LRRTM3: variants seen among roughly 807,000 people sequenced by gnomAD.
The protein encoded by LRRTM3 is leucine-rich repeat transmembrane neuronal protein 3.
In LRRTM3, 24 loss-of-function variants were observed where a neutral mutation model predicts 44.7. The ratio of observed to expected loss-of-function variants is 0.54; its 90% confidence interval spans 0.39 to 0.76. The LOEUF (loss-of-function observed/expected upper bound fraction) is 0.76, where lower values mean the gene tolerates loss of function less well. Among genes scored for constraint, LRRTM3 ranks in the 30% least tolerant of loss-of-function variants. LRRTM3 has a pLI of 0.00. For missense variants in LRRTM3, 587 were observed against 702.2 expected (o/e 0.84, Z 1.85); for synonymous variants, 277 against 278.7 (o/e 0.99, Z 0.06).
intron 2 of LRRTM3, among the ~76,000 whole-genome samples, chr10:67,044,530 C>T (rs1478252666): frequency 6.6e-6 from 1 of 152,032 alleles, no homozygotes; most frequent in African/African-American, 2.4e-5. Context: ...TCCCAGATTC[C>T]CCATTGAGCT....
intron 2 of LRRTM3, among the ~76,000 whole-genome samples, chr10:67,020,507 A>G (rs189394101): frequency 4.1e-4 from 62 of 152,288 alleles, no homozygotes; most frequent in Non-Finnish European, 7.4e-4. Context: ...TATCCCCTCT[A>G]TAAGTTTCAC....
intron 2 of LRRTM3, among the ~76,000 whole-genome samples, chr10:67,088,981 T>C (rs1411323645): frequency 1.3e-5 from 2 of 152,012 alleles, no homozygotes; most frequent in Non-Finnish European, 2.9e-5. Flanking sequence ...GTATAATGAC[T>C]ACTTAGATAG....
intron 2 of LRRTM3, among the ~76,000 whole-genome samples, chr10:67,057,924 C>T (rs1244718803): frequency 1.3e-5 from 2 of 152,148 alleles, no homozygotes; most frequent in Non-Finnish European, 2.9e-5. Context: ...AGGTAATGCT[C>T]TCAAGGATAT....
At chr10:66,931,787 A>G (rs1847410042) in intron 2 of LRRTM3, among the ~76,000 whole-genome samples, 2 of 152,198 alleles carry the variant, frequency 1.3e-5, no homozygotes, top group African/African-American at 4.8e-5. Flanking sequence ...TGAAGGCTAG[A>G]AATAAGTGTC....
chr10:67,066,381 C>T (rs1856084532), intron 2 of LRRTM3, among the ~76,000 whole-genome samples: 1 of 151,962 alleles, frequency 6.6e-6, no homozygotes, highest in African/African-American at 2.4e-5. Flanking sequence ...TTAGTAGAGA[C>T]AGGGTTGCAC....
chr10:66,949,752 A>G lies in LRRTM3; in HGVS notation c.1536+21300A>G, dbSNP rs1848443364. On this transcript the variant is annotated intron_variant, in intron 2 of 2. Coordinates refer to ENST00000361320, the MANE Select transcript of LRRTM3 (RefSeq NM_178011.5). ...GCAAATACCAGCAGACTTGCTAGAC[A>G]CAGGCAGCAGCCTCCAATTTCACAG... Among the ~76,000 whole-genome samples the G allele has an allele frequency of 1.3e-5, 2 of 152,176 alleles. 1 individual carries two copies. Among genetic ancestry groups the G allele is most frequent in the South Asian group, 4.1e-4 (2 of 4,836 alleles).
At chr10:66,975,470 G>A (rs898126596) in intron 2 of LRRTM3, among the ~76,000 whole-genome samples, 10 of 152,132 alleles carry the variant, frequency 6.6e-5, no homozygotes, top group African/African-American at 2.2e-4. Context: ...AGTTGGAAAG[G>A]TTTCCCTTTC....
At chr10:67,068,025 T>C (rs544393060) in intron 2 of LRRTM3, among the ~76,000 whole-genome samples, 2 of 152,324 alleles carry the variant, frequency 1.3e-5, no homozygotes, top group African/African-American at 4.8e-5. Flanking sequence ...AGTGAAGAAT[T>C]AAAGAACATC....
chr10:66,972,217 A>G (rs762576632), intron 2 of LRRTM3, among the ~76,000 whole-genome samples: 2 of 152,184 alleles, frequency 1.3e-5, no homozygotes, highest in South Asian at 2.1e-4. Flanking sequence ...TCTTTCTCTC[A>G]CAGGCTAAAG....
chr10:67,024,765 T>C (rs1266951583), intron 2 of LRRTM3, among the ~76,000 whole-genome samples: 7 of 152,200 alleles, frequency 4.6e-5, no homozygotes, highest in Admixed American at 2.6e-4. Context: ...CTTTGGCATG[T>C]CATTGATGTT....
chr10:67,070,190 A>T (rs141549438), intron 2 of LRRTM3, among the ~76,000 whole-genome samples: 208 of 152,254 alleles, frequency 1.4e-3, no homozygotes, highest in African/African-American at 4.9e-3. Context: ...TGCAATTTGG[A>T]TATCCTCTTA....
intron 2 of LRRTM3, among the ~76,000 whole-genome samples, chr10:67,092,484 G>C (rs189392730): frequency 1.7e-4 from 26 of 152,002 alleles, no homozygotes; most frequent in Admixed American, 1.5e-3. Context: ...TCCAACAGAA[G>C]AGATTCTTGA....
At chr10:66,997,140 G>T (rs969970009) in intron 2 of LRRTM3, among the ~76,000 whole-genome samples, 1 of 152,032 alleles carries the variant, frequency 6.6e-6, no homozygotes, top group Non-Finnish European at 1.5e-5. Flanking sequence ...CAGCTTTTTC[G>T]TCTTTGCTTA....
At chr10:66,980,629 G>A (rs1043978048) in intron 2 of LRRTM3, among the ~76,000 whole-genome samples, 1 of 152,162 alleles carries the variant, frequency 6.6e-6, no homozygotes, top group African/African-American at 2.4e-5. Flanking sequence ...CAGTTAATGA[G>A]ATTCTTGCAA....
At chr10:67,025,792 T>A (rs1392226564) in intron 2 of LRRTM3, among the ~76,000 whole-genome samples, 3 of 151,928 alleles carry the variant, frequency 2.0e-5, no homozygotes, top group Non-Finnish European at 2.9e-5. Context: ...ATGATCGCTA[T>A]AAAGACACAT....
chr10:67,016,079 C>A (rs569568060), intron 2 of LRRTM3, among the ~76,000 whole-genome samples: 5 of 151,990 alleles, frequency 3.3e-5, no homozygotes, highest in Non-Finnish European at 2.9e-5. Context: ...TTTTAGAATA[C>A]GTATTTGTTG....
chr10:66,986,187 A>G (rs1850719637), intron 2 of LRRTM3, among the ~76,000 whole-genome samples: 1 of 152,144 alleles, frequency 6.6e-6, no homozygotes, highest in Non-Finnish European at 1.5e-5. Flanking sequence ...AGATATAATT[A>G]CTTGCCAGAT....
intron 2 of LRRTM3, among the ~76,000 whole-genome samples, chr10:66,966,873 T>G (rs915462049): frequency 6.6e-6 from 1 of 152,066 alleles, no homozygotes; most frequent in Non-Finnish European, 1.5e-5. Flanking sequence ...TAAGACATGT[T>G]TAGTAGCTTT....
chr10:67,054,439 T>G (rs1167779134), intron 2 of LRRTM3, among the ~76,000 whole-genome samples: 3 of 152,128 alleles, frequency 2.0e-5, no homozygotes, highest in Admixed American at 2.0e-4. Flanking sequence ...CAATCTGAGC[T>G]TCTTCAATCT....
Sources: gnomAD v4.1 joint callset for allele counts (sites outside exome capture counted in the v4.1 genomes callset) on GRCh38, gnomAD v4.1.1 for gene constraint, MANE v1.5 for transcripts, NCBI Gene and HGNC (gene_info 2026-07-23, HGNC 2026-07-21) for gene names.